The following CTNND2 variants were observed in gnomAD, a reference collection of about 807,000 sequenced individuals.
CTNND2 encodes the protein catenin delta-2.
In CTNND2, 22 loss-of-function variants were observed where a neutral mutation model predicts 144.4. The ratio of observed to expected loss-of-function variants is 0.15; its 90% confidence interval spans 0.11 to 0.22. The LOEUF (loss-of-function observed/expected upper bound fraction) is 0.22, where lower values mean the gene tolerates loss of function less well. Among genes scored for constraint, CTNND2 ranks in the 10% least tolerant of loss-of-function variants. CTNND2 has a pLI of 1.00. For synonymous variants in CTNND2, 751 were observed against 695.6 expected (o/e 1.08, Z -1.25); for missense variants, 1,353 against 1,618.8 (o/e 0.84, Z 2.82).
intron 18 of CTNND2, among the ~76,000 whole-genome samples, chr5:11,010,836 A>G (rs1461471120): frequency 6.6e-6 from 1 of 152,274 alleles, no homozygotes; most frequent in East Asian, 1.9e-4. Flanking sequence ...CTCATTCTTC[A>G]CTTGCTGTGC....
At chr5:11,776,740 T>C (rs1042260992) in intron 1 of CTNND2, among the ~76,000 whole-genome samples, 4 of 152,126 alleles carry the variant, frequency 2.6e-5, no homozygotes, top group African/African-American at 9.7e-5. Flanking sequence ...CCCCAAGTTA[T>C]TCATCTAGCA....
chr5:11,872,179 C>T (rs777438797), intron 1 of CTNND2, among the ~76,000 whole-genome samples: 21 of 152,114 alleles, frequency 1.4e-4, no homozygotes, highest in African/African-American at 2.4e-4. Flanking sequence ...TGATGGTTTA[C>T]GGCTTCATCC....
intron 9 of CTNND2, among the ~76,000 whole-genome samples, chr5:11,271,900 T>G (rs1346145174): frequency 6.6e-6 from 1 of 152,082 alleles, no homozygotes; most frequent in East Asian, 1.9e-4. Context: ...GGATACAAAT[T>G]GTGCATCTTA....
chr5:11,709,657 A>G (rs1197945219), intron 2 of CTNND2, among the ~76,000 whole-genome samples: 1 of 152,240 alleles, frequency 6.6e-6, no homozygotes, highest in Non-Finnish European at 1.5e-5. Context: ...AGAGCAGTGC[A>G]GAGAGAATTG....
intron 2 of CTNND2, among the ~76,000 whole-genome samples, chr5:11,715,125 T>C (rs374705780): frequency 3.4e-4 from 52 of 152,252 alleles, no homozygotes; most frequent in African/African-American, 1.1e-3. Context: ...GGCAGAGTGA[T>C]TGGGGAAAAT....
chr5:11,898,409 A>G (rs191073075), intron 1 of CTNND2, among the ~76,000 whole-genome samples: 1 of 152,346 alleles, frequency 6.6e-6, no homozygotes, highest in East Asian at 1.9e-4. Flanking sequence ...AAAAGAAAGA[A>G]CTGCATAAAA....
intron 1 of CTNND2, among the ~76,000 whole-genome samples, chr5:11,849,848 T>C (rs965617116): frequency 5.9e-5 from 9 of 152,130 alleles, no homozygotes; most frequent in African/African-American, 1.7e-4. Flanking sequence ...ATTCTGCCCA[T>C]GGCCAGGAAC....
At chr5:11,572,196 C>T (rs1324475987) in intron 2 of CTNND2, among the ~76,000 whole-genome samples, 1 of 152,076 alleles carries the variant, frequency 6.6e-6, no homozygotes, top group Non-Finnish European at 1.5e-5. Context: ...TCTGCTGAAC[C>T]CCTGAGCTGG....
chr5:11,334,382 T>C (rs1753526633), intron 9 of CTNND2, among the ~76,000 whole-genome samples: 1 of 152,152 alleles, frequency 6.6e-6, no homozygotes, highest in African/African-American at 2.4e-5. Flanking sequence ...TTCAGAAAAA[T>C]AAAGGCTCCA....
At chr5:11,021,440 C>T (rs1216588447) in intron 17 of CTNND2, among the ~76,000 whole-genome samples, 1 of 152,076 alleles carries the variant, frequency 6.6e-6, no homozygotes, top group Non-Finnish European at 1.5e-5. Flanking sequence ...ATTAGAGATT[C>T]CAAAGGTCTA....
At chr5:11,391,955 A>G (rs566290595) in intron 6 of CTNND2, among the ~76,000 whole-genome samples, 1 of 152,366 alleles carries the variant, frequency 6.6e-6, no homozygotes, top group South Asian at 2.1e-4. Flanking sequence ...GGGAACATCC[A>G]AATCAAAAGG....
chr5:11,778,817 G>C (rs1280796403), intron 1 of CTNND2, among the ~76,000 whole-genome samples: 1 of 152,184 alleles, frequency 6.6e-6, no homozygotes, highest in East Asian at 1.9e-4. Context: ...CATGCCAAAT[G>C]TACCATGCGA....
At chr5:11,797,812 A>C (rs1233791098) in intron 1 of CTNND2, among the ~76,000 whole-genome samples, 1 of 152,160 alleles carries the variant, frequency 6.6e-6, no homozygotes, top group Non-Finnish European at 1.5e-5. Flanking sequence ...TAGTTGCTTG[A>C]CTTTACTTAT....
chr5:11,277,529 T>TATTTATTTATTTATTTATTC lies in CTNND2; in HGVS notation c.1629-40707_1629-40706insGAATAAATAAATAAATAAAT, dbSNP rs1554019024. 1.7e-3 allele frequency among the ~76,000 whole-genome samples: 259 copies of TATTTATTTATTTATTTATTC among 149,310 alleles called. 2 individuals are homozygous for TATTTATTTATTTATTTATTC. In the South Asian group the frequency reaches 0.018, roughly 10 times the overall value. Reference sequence around the variant, plus strand: ...TTATTTATTTATTTATTTATTTATTTATTTATTTATTTATTTATTTTTGAG... The same window carrying TATTTATTTATTTATTTATTC: ...TTATTTATTTATTTATTTATTTATTTATTTATTTATTTATTTATTCATTTATTTATTTATTTATTTTTGAG... On this transcript the variant is annotated intron_variant, in intron 9 of 21. Transcript: ENST00000304623.
intron 3 of CTNND2, among the ~76,000 whole-genome samples, chr5:11,557,752 GA>G (rs1776348204): frequency 6.6e-6 from 1 of 152,118 alleles, no homozygotes. Context: ...TACAGTCTGC[GA>G]AAACCAACTG....
chr5:11,795,288 T>C (rs1198886886), intron 1 of CTNND2, among the ~76,000 whole-genome samples: 6 of 151,990 alleles, frequency 3.9e-5, no homozygotes, highest in Admixed American at 6.6e-5. Context: ...AGCTGAGCCA[T>C]GACATAAAAA....
chr5:11,434,750 G>GT (rs375227290), intron 3 of CTNND2, among the ~76,000 whole-genome samples: 13 of 152,178 alleles, frequency 8.5e-5, no homozygotes, highest in African/African-American at 2.9e-4. Context: ...TTTTCTGTAT[G>GT]TTTTTTACAT....
chr5:11,611,565 G>T (rs2126382835), intron 2 of CTNND2, among the ~76,000 whole-genome samples: 1 of 152,192 alleles, frequency 6.6e-6, no homozygotes, highest in East Asian at 1.9e-4. Flanking sequence ...ATTACATGAG[G>T]TTAGGAGTTC....
rs545996794 is a variant in CTNND2, at chr5:11,424,562, G to A, written c.288-12493C>T. On this transcript the variant is annotated intron_variant, in intron 3 of 21. Transcript: ENST00000304623. Reference sequence around the variant, plus strand: ...CTGGTTGTGATATTGTACTACTTAAGCAAGATAAGACTATTGGAGGGGCTA... The same window carrying A: ...CTGGTTGTGATATTGTACTACTTAAACAAGATAAGACTATTGGAGGGGCTA... Among the ~76,000 whole-genome samples the A allele has an allele frequency of 2.6e-5, 4 of 152,104 alleles. No homozygotes were observed. The East Asian group carries it at 7.7e-4, about 29-fold the overall frequency.
Sources: allele counts gnomAD v4.1 joint callset (sites outside exome capture counted in the v4.1 genomes callset), GRCh38; gene constraint gnomAD v4.1.1; transcripts MANE v1.5; gene names NCBI Gene and HGNC (gene_info 2026-07-23, HGNC 2026-07-21).